The following DPP10 variants were observed in gnomAD, a reference collection of about 807,000 sequenced individuals.
DPP10 encodes dipeptidyl peptidase like 10.
DPP10 carries 33 observed loss-of-function variants against 120.9 expected under a neutral mutation model. The ratio of observed to expected loss-of-function variants is 0.27; its 90% CI spans 0.21 to 0.37. The LOEUF is 0.37. Among genes scored for constraint, DPP10 ranks in the 10% least tolerant of loss-of-function variants. DPP10 has a pLI of 1.00. For synonymous variants in DPP10, 337 were observed against 326.1 expected (o/e 1.03, Z -0.36); for missense variants, 816 against 942.8 (o/e 0.87, Z 1.76).
At chr2:114,768,571 CT>C in intron 1 of DPP10, among the ~76,000 whole-genome samples, 1 of 152,224 alleles carries the variant, frequency 6.6e-6, no homozygotes, top group South Asian at 2.1e-4. Context: ...AGATTGGATC[CT>C]CCTGGATAAG....
intron 1 of DPP10, among the ~76,000 whole-genome samples, chr2:115,245,461 A>T (rs2058491848): frequency 6.6e-6 from 1 of 152,276 alleles, no homozygotes; most frequent in South Asian, 2.1e-4. Flanking sequence ...GGCCACAATT[A>T]AAAAAATCAA....
intron 1 of DPP10, among the ~76,000 whole-genome samples, chr2:115,067,850 A>G (rs1282851834): frequency 2.2e-5 from 3 of 134,214 alleles, no homozygotes; most frequent in African/African-American, 8.3e-5. Context: ...CGACACAGCA[A>G]GACTCTGTCT....
chr2:115,120,679 AT>A (rs1270378361), intron 1 of DPP10, among the ~76,000 whole-genome samples: 2 of 152,100 alleles, frequency 1.3e-5, no homozygotes, highest in Admixed American at 6.6e-5. Context: ...ACAATTTTAC[AT>A]TTTTTTAAAT....
chr2:115,044,628 A>C (rs184399733), intron 1 of DPP10, among the ~76,000 whole-genome samples: 1 of 152,222 alleles, frequency 6.6e-6, no homozygotes, highest in Non-Finnish European at 1.5e-5. Context: ...TGGGGATTAC[A>C]TTTCAACATG....
At chr2:114,724,838 A>G (rs1192960617) in intron 1 of DPP10, among the ~76,000 whole-genome samples, 1 of 152,154 alleles carries the variant, frequency 6.6e-6, no homozygotes, top group African/African-American at 2.4e-5. Context: ...AGGGAGTAAC[A>G]ATTTGCTTGA....
At chr2:114,962,258 T>G (rs1472817370) in intron 1 of DPP10, among the ~76,000 whole-genome samples, 1 of 152,132 alleles carries the variant, frequency 6.6e-6, no homozygotes, top group Non-Finnish European at 1.5e-5. Flanking sequence ...GTCTGCTTTG[T>G]TTTTTTACAT....
chr2:114,474,742 A>T (rs1680231622), intron 1 of DPP10, among the ~76,000 whole-genome samples: 1 of 152,210 alleles, frequency 6.6e-6, no homozygotes, highest in Non-Finnish European at 1.5e-5. Flanking sequence ...ACCTTGGGGG[A>T]GAAACACACC....
chr2:114,519,938 G>T (rs1207387725), intron 1 of DPP10, among the ~76,000 whole-genome samples: 1 of 152,176 alleles, frequency 6.6e-6, no homozygotes, highest in Admixed American at 6.5e-5. Flanking sequence ...CGATGGGGTT[G>T]TTATAAAGAT....
chr2:114,478,132 A>G (rs74957777), intron 1 of DPP10, among the ~76,000 whole-genome samples: 3,648 of 152,098 alleles, frequency 0.024, 138 homozygotes, highest in African/African-American at 0.081. Context: ...GACAGTATAA[A>G]AAAGCTACGG....
intron 1 of DPP10, among the ~76,000 whole-genome samples, chr2:114,681,377 T>A (rs1250708373): frequency 1.3e-5 from 2 of 152,020 alleles, no homozygotes; most frequent in Non-Finnish European, 2.9e-5. Context: ...TGCTTTATCT[T>A]GTGAACATGA....
intron 2 of DPP10, chr2:115,342,166 A>G (rs1311781938): frequency 6.6e-6 from 3 of 454,984 alleles, no homozygotes; most frequent in Non-Finnish European, 1.3e-5. Flanking sequence ...CTCTATCCTT[A>G]TACTGACATC....
chr2:115,490,458 A>G (rs1412896760), intron 3 of DPP10, among the ~76,000 whole-genome samples: 5 of 152,088 alleles, frequency 3.3e-5, no homozygotes, highest in Admixed American at 6.5e-5. Flanking sequence ...ACAATTCAAG[A>G]TGAGATTTGG....
At chr2:114,584,303 A>G (rs957684254) in intron 1 of DPP10, among the ~76,000 whole-genome samples, 4 of 152,172 alleles carry the variant, frequency 2.6e-5, no homozygotes, top group Non-Finnish European at 5.9e-5. Context: ...ACCAAGCTTA[A>G]ATGTAGTGAT....
chr2:114,823,340 C>G (rs190456094), intron 1 of DPP10, among the ~76,000 whole-genome samples: 118 of 152,128 alleles, frequency 7.8e-4, no homozygotes, highest in Admixed American at 2.3e-3. Flanking sequence ...GGGAGAACCA[C>G]CCCCATAATC....
At chr2:115,357,211 G>A (rs754208780) in intron 3 of DPP10, among the ~76,000 whole-genome samples, 2 of 152,198 alleles carry the variant, frequency 1.3e-5, no homozygotes, top group Non-Finnish European at 2.9e-5. Flanking sequence ...AATGGTCCAA[G>A]TTCAGAGTCT....
rs528042765 is a variant in DPP10 at position 115,843,533 on chromosome 2, G to A, written c.*1188G>A. On this transcript the variant is annotated 3_prime_UTR_variant, in exon 26 of 26. Transcript: ENST00000410059. The stretch of plus-strand genomic sequence containing the variant: ...GTTACTGTTTAATTTCAATTCTTCT[G>A]GTGAGAATTAGAAATGAAATATTTT... 2 of 152,082 alleles carry A rather than the reference G, an allele frequency of 1.3e-5. No homozygotes were observed. The highest frequency in any genetic ancestry group is 2.9e-5 in the Non-Finnish European group (2 of 68,014). 9.4% of individuals were successfully genotyped at this position (152,082 alleles called of 1,614,324 possible).
At chr2:115,536,084 A>G (rs2078814594) in intron 5 of DPP10, among the ~76,000 whole-genome samples, 4 of 152,176 alleles carry the variant, frequency 2.6e-5, no homozygotes, top group East Asian at 1.9e-4. Flanking sequence ...TTGAAATAAT[A>G]TAACTGTATT....
intron 5 of DPP10, among the ~76,000 whole-genome samples, chr2:115,552,302 T>G (rs1452834185): frequency 6.6e-6 from 1 of 152,146 alleles, no homozygotes; most frequent in Non-Finnish European, 1.5e-5. Context: ...GCATAGAATC[T>G]GGGAAGGAGG....
chr2:114,672,635 A>G (rs763824428), intron 1 of DPP10, among the ~76,000 whole-genome samples: 3 of 152,194 alleles, frequency 2.0e-5, no homozygotes, highest in Non-Finnish European at 4.4e-5. Context: ...CTGGGAATCC[A>G]TATCTTTCCC....
Sources: allele counts gnomAD v4.1 joint callset (sites outside exome capture counted in the v4.1 genomes callset), GRCh38; gene constraint gnomAD v4.1.1; transcripts MANE v1.5; gene names NCBI Gene and HGNC (gene_info 2026-07-23, HGNC 2026-07-21).